MEIS2: variants seen among roughly 807,000 people sequenced by gnomAD.
MEIS2 encodes the protein Meis homeobox 2, also known as homeobox protein Meis2.
In MEIS2, 9 loss-of-function variants were observed where a neutral mutation model predicts 58.6. The observed-to-expected ratio is 0.15, with a 90% CI of 0.09 to 0.27. The LOEUF is 0.27. MEIS2 is among the 10% of genes least tolerant of loss of function. The pLI is 1.00. For missense variants in MEIS2, 427 were observed against 635.0 expected (o/e 0.67, Z 3.52); for synonymous variants, 221 against 228.4 (o/e 0.97, Z 0.29).
intron 6 of MEIS2, among the ~76,000 whole-genome samples, chr15:37,084,546 AACATGTGTGAACT>A (rs1892648359): frequency 6.6e-6 from 1 of 151,956 alleles, no homozygotes; most frequent in African/African-American, 2.4e-5. Context: ...AAAAAAAGGA[AACATGTGTGAACT>A]ACTGTCCATC....
chr15:37,007,358 A>G (rs1444466264), intron 8 of MEIS2, among the ~76,000 whole-genome samples: 1 of 152,188 alleles, frequency 6.6e-6, no homozygotes, highest in African/African-American at 2.4e-5. Context: ...GCAAGGTCCC[A>G]TCTCAATAAA....
chr15:37,011,852 T>C (rs2061171361), intron 8 of MEIS2, among the ~76,000 whole-genome samples: 1 of 152,070 alleles, frequency 6.6e-6, no homozygotes, highest in African/African-American at 2.4e-5. Flanking sequence ...ACTCCTGACC[T>C]CGTGATCTGC....
At chr15:37,004,928 T>C (rs868727286) in intron 8 of MEIS2, among the ~76,000 whole-genome samples, 2 of 152,370 alleles carry the variant, frequency 1.3e-5, no homozygotes, top group Middle Eastern at 3.4e-3. Flanking sequence ...ATTGTATGCA[T>C]GTACCAAAAT....
At chr15:36,896,576 G>A (rs1157809155) in intron 10 of MEIS2, 52 bp downstream of exon 10, 1 of 1,410,080 alleles carries the variant, frequency 7.1e-7, no homozygotes, top group African/African-American at 1.4e-5. Flanking sequence ...AGTATAACTT[G>A]ATGAGGATTT....
At chr15:37,038,576 G>A (rs2062262749) in intron 7 of MEIS2, among the ~76,000 whole-genome samples, 1 of 152,116 alleles carries the variant, frequency 6.6e-6, no homozygotes, top group Admixed American at 6.6e-5. Context: ...CAACCACCCT[G>A]CCCCAAGGCA....
chr15:36,991,659 GC>G (rs2060279751), intron 8 of MEIS2, among the ~76,000 whole-genome samples: 2 of 151,040 alleles, frequency 1.3e-5, no homozygotes, highest in South Asian at 4.2e-4. Flanking sequence ...AGTCTAGGAT[GC>G]TTTGTGAGCA....
chr15:36,940,037 G>T (rs1309889711), intron 9 of MEIS2, among the ~76,000 whole-genome samples: 5 of 152,154 alleles, frequency 3.3e-5, no homozygotes, highest in Admixed American at 6.5e-5. Flanking sequence ...AAATCCCTAG[G>T]GATATAGCAT....
chr15:37,095,910 G>A, intron 3 of MEIS2: 1 of 500,516 alleles, frequency 2.0e-6, no homozygotes, highest in South Asian at 2.3e-5. Flanking sequence ...GCTCTCCACT[G>A]CTGCCTGGGA....
chr15:37,023,907 CTCTCTTTTTTTTT>C (rs1181597851), intron 8 of MEIS2, among the ~76,000 whole-genome samples: 1 of 115,896 alleles, frequency 8.6e-6, no homozygotes, highest in Non-Finnish European at 1.7e-5. Context: ...CTCCTTTTCT[CTCTCTTTTTTTTT>C]TTTTTTTTTT....
chr15:36,891,026 A>C lies in MEIS2; in HGVS notation c.*1147T>G, dbSNP rs2055821936. 1 of 152,532 alleles carries C rather than the reference A, an allele frequency of 6.6e-6. No homozygotes were observed. The highest frequency in any genetic ancestry group is 1.5e-5 in the Non-Finnish European group (1 of 68,012). 9.4% of individuals were successfully genotyped at this position (152,532 alleles called of 1,614,324 possible). On this transcript the variant is annotated 3_prime_UTR_variant, in exon 12 of 12. Coordinates refer to ENST00000561208, the MANE Select transcript of MEIS2 (RefSeq NM_170675.5). ...CCATTAAAAACGCAAAAGCCTAACA[A>C]AAAATCAAAAATGAAATATTTATTA...
At chr15:37,046,059 T>C (rs1484882716) in intron 7 of MEIS2, among the ~76,000 whole-genome samples, 2 of 152,216 alleles carry the variant, frequency 1.3e-5, no homozygotes, top group Non-Finnish European at 2.9e-5. Flanking sequence ...ATTTAGCAAA[T>C]TCAGCCTCAA....
At chr15:37,043,109 C>T (rs924047169) in intron 7 of MEIS2, among the ~76,000 whole-genome samples, 4 of 152,296 alleles carry the variant, frequency 2.6e-5, no homozygotes, top group African/African-American at 9.6e-5. Context: ...AGAAATAAGA[C>T]AAATTAATAT....
intron 8 of MEIS2, among the ~76,000 whole-genome samples, chr15:36,985,306 G>A (rs969843951): frequency 6.6e-6 from 1 of 152,010 alleles, no homozygotes; most frequent in African/African-American, 2.4e-5. Flanking sequence ...TTCTGTTCTT[G>A]ACTGTTCTCA....
chr15:37,029,278 C>G (rs972371669), intron 8 of MEIS2, among the ~76,000 whole-genome samples: 1 of 152,186 alleles, frequency 6.6e-6, no homozygotes, highest in Non-Finnish European at 1.5e-5. Flanking sequence ...AGGAGACTCA[C>G]TTGCATGCAT....
chr15:37,001,924 G>A (rs1368689327), intron 8 of MEIS2, among the ~76,000 whole-genome samples: 2 of 152,044 alleles, frequency 1.3e-5, no homozygotes, highest in Non-Finnish European at 1.5e-5. Context: ...TACATCATCC[G>A]TACTTTGTGA....
intron 8 of MEIS2, among the ~76,000 whole-genome samples, chr15:36,975,140 A>C (rs1210928294): frequency 1.3e-5 from 2 of 152,214 alleles, no homozygotes. Context: ...CTTGAATAAA[A>C]ACTGCATGAA....
chr15:37,092,448 A>T (rs947177829), intron 6 of MEIS2, among the ~76,000 whole-genome samples: 4 of 152,114 alleles, frequency 2.6e-5, no homozygotes, highest in Non-Finnish European at 5.9e-5. Flanking sequence ...ATGCCTGTTT[A>T]ACTCACACGG....
intron 9 of MEIS2, among the ~76,000 whole-genome samples, chr15:36,899,630 C>T (rs1381051496): frequency 2.6e-5 from 4 of 151,974 alleles, no homozygotes; most frequent in South Asian, 2.1e-4. Context: ...TTTGATTTTA[C>T]GTAAAATTTG....
intron 7 of MEIS2, among the ~76,000 whole-genome samples, chr15:37,056,993 A>G (rs2141828015): frequency 6.6e-6 from 1 of 152,336 alleles, no homozygotes; most frequent in Middle Eastern, 3.4e-3. Context: ...TGTAATGCAG[A>G]AGAGGAGAAA....
Sources: gnomAD v4.1 joint callset for allele counts (sites outside exome capture counted in the v4.1 genomes callset) on GRCh38, gnomAD v4.1.1 for gene constraint, MANE v1.5 for transcripts, NCBI Gene and HGNC (gene_info 2026-07-23, HGNC 2026-07-21) for gene names.